The following PACRG variants were observed in gnomAD, a reference collection of about 807,000 sequenced individuals.
PACRG encodes parkin coregulated.
Under a neutral mutation model 29.7 loss-of-function variants are expected in PACRG, and 29 were observed. The observed-to-expected ratio is 0.98, with a 90% CI of 0.73 to 1.33. The LOEUF is 1.33. PACRG is among the 40% of genes most tolerant of loss of function. The probability of loss-of-function intolerance (pLI) is 0.00; values close to 1 mark genes in which losing one functional copy is unlikely to be tolerated. For synonymous variants in PACRG, 116 were observed against 118.7 expected (o/e 0.98, Z 0.15); for missense variants, 279 against 316.2 (o/e 0.88, Z 0.89).
At chr6:163,121,811 C>T (rs143611565) in intron 4 of PACRG, among the ~76,000 whole-genome samples, 2,857 of 151,770 alleles carry the variant, frequency 0.019, 121 homozygotes, top group East Asian at 0.11. Flanking sequence ...CACAGGTACC[C>T]GCCACCATGC....
chr6:162,966,926 G>A (rs1297795419), intron 2 of PACRG, among the ~76,000 whole-genome samples: 3 of 152,156 alleles, frequency 2.0e-5, no homozygotes, highest in African/African-American at 7.2e-5. Flanking sequence ...AGAGAAATTT[G>A]TGTAATTACA....
rs1343020405 is a variant in PACRG, at chr6:162,777,876, C to A, written c.157-36271C>A. On this transcript the variant is annotated intron_variant, in intron 1 of 4. Coordinates refer to ENST00000366888, the MANE Select transcript of PACRG (RefSeq NM_001080379.2). This position sits in a 1 kb window ranked among gnomAD's most constrained non-coding sequence, Gnocchi z 4.0. ...CCTTCTTTCTTTCCTTCCTTCCCAC[C>A]CTCCTTCCTTCTTTCCTTCCTTCTT... Among the ~76,000 whole-genome samples, 1 of 151,828 alleles carries A rather than the reference C, an allele frequency of 6.6e-6. No homozygotes were observed. The highest frequency in any genetic ancestry group is 1.5e-5 in the Non-Finnish European group (1 of 67,962).
intron 2 of PACRG, among the ~76,000 whole-genome samples, chr6:162,851,756 A>G (rs1405288902): frequency 6.6e-6 from 1 of 152,084 alleles, no homozygotes; most frequent in Non-Finnish European, 1.5e-5. Context: ...TTATTATATG[A>G]TATGTAAATT....
At chr6:163,032,541 G>A (rs1193916403) in intron 2 of PACRG, among the ~76,000 whole-genome samples, 1 of 152,104 alleles carries the variant, frequency 6.6e-6, no homozygotes, top group African/African-American at 2.4e-5. Context: ...TACCTTTGTG[G>A]CATACAATAA....
chr6:162,917,043 T>C (rs898337295), intron 2 of PACRG, among the ~76,000 whole-genome samples: 7 of 152,166 alleles, frequency 4.6e-5, no homozygotes, highest in African/African-American at 1.4e-4. Context: ...CTAGAGTATG[T>C]TAATTTTGGA....
intron 3 of PACRG, among the ~76,000 whole-genome samples, chr6:163,063,040 C>G (rs553471896): frequency 2.2e-4 from 33 of 152,162 alleles, no homozygotes; most frequent in Non-Finnish European, 3.5e-4. Context: ...GGTACAGGCT[C>G]AGGAAGAGGA....
In PACRG at chr6:162,849,765, CTAAA is replaced by C. The variant is rs550639523; in HGVS notation, c.291+35487_291+35490del. ...TGTAAGTTTTCGATTTTTGAAATAT[CTAAA>C]TATTAAGATAGATTTAAAATATCTC... On this transcript the variant is annotated intron_variant, in intron 2 of 4. Transcript: ENST00000366888. Among the ~76,000 whole-genome samples, 172 of 152,224 alleles carry C rather than the reference CTAAA, an allele frequency of 1.1e-3. 1 individual carries two copies. The highest frequency in any genetic ancestry group is 6.8e-3 in the Middle Eastern group (2 of 294).
intron 1 of PACRG, among the ~76,000 whole-genome samples, chr6:162,800,967 C>A (rs1433875906): frequency 1.3e-5 from 2 of 152,130 alleles, no homozygotes; most frequent in African/African-American, 4.8e-5. Context: ...CCTGGCAGTT[C>A]CTCCACGTGC....
At chr6:162,909,554 C>CAAAAAAAAAA in intron 2 of PACRG, among the ~76,000 whole-genome samples, 2 of 70,054 alleles carry the variant, frequency 2.9e-5, no homozygotes, top group Non-Finnish European at 6.0e-5. Flanking sequence ...GACTCCATCT[C>CAAAAAAAAAA]AAAAAAAAAA....
chr6:162,902,174 A>G (rs1355256883), intron 2 of PACRG, among the ~76,000 whole-genome samples: 2 of 152,242 alleles, frequency 1.3e-5, no homozygotes, highest in East Asian at 3.8e-4. Context: ...CATTTTGAAG[A>G]TCTTTTCAGA....
chr6:162,841,447 T>C (rs1297679817), intron 2 of PACRG, among the ~76,000 whole-genome samples: 1 of 152,164 alleles, frequency 6.6e-6, no homozygotes, highest in Non-Finnish European at 1.5e-5. Flanking sequence ...TGATATCCCC[T>C]TTATCATATT....
intron 4 of PACRG, among the ~76,000 whole-genome samples, chr6:163,196,544 C>T (rs562054148): frequency 8.5e-5 from 13 of 152,332 alleles, no homozygotes; most frequent in African/African-American, 2.9e-4. Context: ...AATTACATAA[C>T]AATCTGCTTG....
At chr6:163,063,012 G>C (rs1301509651) in intron 3 of PACRG, among the ~76,000 whole-genome samples, 1 of 152,124 alleles carries the variant, frequency 6.6e-6, no homozygotes, top group Non-Finnish European at 1.5e-5. Flanking sequence ...ACCCTGATGG[G>C]CATGCCTGGC....
intron 4 of PACRG, among the ~76,000 whole-genome samples, chr6:163,237,904 T>C (rs918922960): frequency 1.3e-5 from 2 of 152,244 alleles, no homozygotes; most frequent in African/African-American, 4.8e-5. Context: ...AATGAAAAGA[T>C]GCTTTACTTA....
chr6:163,117,256 C>A (rs1816047635), intron 4 of PACRG, among the ~76,000 whole-genome samples: 1 of 152,200 alleles, frequency 6.6e-6, no homozygotes, highest in Non-Finnish European at 1.5e-5. Context: ...CTTCTTGGTG[C>A]CAGCAACAAG....
At chr6:162,736,864 G>T (rs1257605201) in intron 1 of PACRG, among the ~76,000 whole-genome samples, 2 of 151,894 alleles carry the variant, frequency 1.3e-5, no homozygotes, top group Admixed American at 6.6e-5. Flanking sequence ...TTTACATGTT[G>T]TTGAAAGCTC....
chr6:162,772,402 A>T (rs1282123990), intron 1 of PACRG, among the ~76,000 whole-genome samples: 2 of 152,232 alleles, frequency 1.3e-5, no homozygotes, highest in African/African-American at 2.4e-5. Flanking sequence ...AGCCTCTAAC[A>T]CAAAGAGAAA....
intron 1 of PACRG, among the ~76,000 whole-genome samples, chr6:162,736,233 A>G (rs990521383): frequency 1.3e-5 from 2 of 152,212 alleles, no homozygotes; most frequent in Non-Finnish European, 2.9e-5. Context: ...TATCATCCAC[A>G]AAAGATTTCA....
chr6:163,119,574 T>A (rs118047866), intron 4 of PACRG, among the ~76,000 whole-genome samples: 1,923 of 152,282 alleles, frequency 0.013, 85 homozygotes, highest in Admixed American at 0.082. Flanking sequence ...CATCTCGGGA[T>A]GATGGAGACT....
Sources: allele counts gnomAD v4.1 joint callset (sites outside exome capture counted in the v4.1 genomes callset), GRCh38; gene constraint gnomAD v4.1.1; non-coding constraint Gnocchi (gnomAD v3.1); transcripts MANE v1.5; gene names NCBI Gene and HGNC (gene_info 2026-07-23, HGNC 2026-07-21).